CHSY1: variants seen among roughly 807,000 people sequenced by gnomAD.
The protein encoded by CHSY1 is N-acetylgalactosaminyl-proteoglycan 3-beta-glucuronosyltransferase 1.
Under a neutral mutation model 59.8 loss-of-function variants are expected in CHSY1, and 13 were observed. The ratio of observed to expected loss-of-function variants is 0.22; its 90% CI spans 0.14 to 0.35. CHSY1 has a LOEUF of 0.35. CHSY1 is among the 10% of genes least tolerant of loss of function. CHSY1 has a pLI of 1.00. For synonymous variants in CHSY1, 459 were observed against 401.2 expected (o/e 1.14, Z -1.72); for missense variants, 947 against 1,030.6 (o/e 0.92, Z 1.11).
intron 2 of CHSY1, among the ~76,000 whole-genome samples, chr15:101,181,683 GGTATTCT>G (rs1278270404): frequency 6.6e-6 from 1 of 152,156 alleles, no homozygotes; most frequent in Non-Finnish European, 1.5e-5. Flanking sequence ...GTAGCACAGA[GGTATTCT>G]TAGAACACAC....
At position 101,185,699 on chromosome 15, in the gene CHSY1, CTTTTT is replaced by C. The variant is rs10556870; in HGVS notation, c.817-6724_817-6720del. ...CCCTGCAATGTTCTCCTCGAAATAT[CTTTTT>C]TTTTTTTTTTTTTTTTTAACCTCAC... On this transcript the variant is annotated intron_variant, in intron 2 of 2. Coordinates refer to ENST00000254190, the MANE Select transcript of CHSY1 (RefSeq NM_014918.5). 8.1e-4 allele frequency among the ~76,000 whole-genome samples: 98 copies of C among 121,354 alleles called. 1 individual carries two copies. Among genetic ancestry groups the C allele is most frequent in the African/African-American group, 2.4e-3 (75 of 31,326 alleles). The allele number at this position is 121,354 out of a possible 152,430, so 79.6% of individuals were successfully genotyped here. A position where few individuals can be genotyped will look rare whatever the true frequency, so the allele number is the denominator to read the frequency against.
chr15:101,231,627 G>C (rs1246590588), intron 2 of CHSY1, among the ~76,000 whole-genome samples: 1 of 152,140 alleles, frequency 6.6e-6, no homozygotes. Flanking sequence ...GAAAATAATA[G>C]AAGAAAGATC....
In CHSY1 at chr15:101,200,238, A is replaced by G. The variant is rs142033419; in HGVS notation, c.817-21258T>C. On this transcript the variant is annotated intron_variant, in intron 2 of 2. Coordinates refer to ENST00000254190, the MANE Select transcript of CHSY1 (RefSeq NM_014918.5). ...GAATAACTTTTTTGATTTTCATTTT[A>G]AAGAGTATCCACGTAAAAAATAAGA... 6.5e-3 allele frequency among the ~76,000 whole-genome samples: 984 copies of G among 152,212 alleles called. 6 individuals carry two copies. Among genetic ancestry groups the G allele is most frequent in the African/African-American group, 0.023 (936 of 41,544 alleles).
chr15:101,240,707 T>C (rs1003696878), intron 1 of CHSY1, among the ~76,000 whole-genome samples: 16 of 152,334 alleles, frequency 1.1e-4, no homozygotes, highest in Middle Eastern at 3.4e-3. Context: ...ATGTCAGAGG[T>C]TGCGATTTTT....
chr15:101,231,716 T>C (rs1177069434), intron 2 of CHSY1, among the ~76,000 whole-genome samples: 2 of 152,260 alleles, frequency 1.3e-5, no homozygotes, highest in Non-Finnish European at 2.9e-5. Flanking sequence ...ATACGTACAG[T>C]ACACGTCGAA....
intron 2 of CHSY1, among the ~76,000 whole-genome samples, chr15:101,197,422 T>C (rs2038520339): frequency 6.6e-6 from 1 of 152,168 alleles, no homozygotes; most frequent in South Asian, 2.1e-4. Context: ...CTAAAAGCCA[T>C]ATAACACAAA....
intron 2 of CHSY1, among the ~76,000 whole-genome samples, chr15:101,234,512 A>T (rs2038920693): frequency 2.0e-5 from 3 of 152,256 alleles, no homozygotes; most frequent in Non-Finnish European, 1.5e-5. Flanking sequence ...CATGACCATC[A>T]GCAACCCATT....
At chr15:101,228,259 A>G (rs1596449672) in intron 2 of CHSY1, among the ~76,000 whole-genome samples, 1 of 152,294 alleles carries the variant, frequency 6.6e-6, no homozygotes, top group South Asian at 2.1e-4. Context: ...AGTAGAACAC[A>G]GCATGACGGG....
rs117450417 is a variant in CHSY1, at chr15:101,231,435, C to A, written c.816+3647G>T. 1.7e-3 allele frequency among the ~76,000 whole-genome samples: 255 copies of A among 152,234 alleles called. 4 individuals are homozygous for A. The East Asian group carries it at 0.044, about 26-fold the overall frequency. On this transcript the variant is annotated intron_variant, in intron 2 of 2. Transcript: ENST00000254190. Reference sequence around the variant, plus strand: ...TAATTCACAGCGGAAGCCCAGGGGCCGGAGGCAGAGGAAGGAAGACGTATT... The same window carrying A: ...TAATTCACAGCGGAAGCCCAGGGGCAGGAGGCAGAGGAAGGAAGACGTATT...
chr15:101,234,412 T>C (rs984467467), intron 2 of CHSY1, among the ~76,000 whole-genome samples: 3 of 152,154 alleles, frequency 2.0e-5, no homozygotes, highest in Non-Finnish European at 4.4e-5. Flanking sequence ...CAAAAACAAA[T>C]AGGGAGATAT....
intron 2 of CHSY1, among the ~76,000 whole-genome samples, chr15:101,231,652 G>A (rs71414392): frequency 0.016 from 2,406 of 152,254 alleles, 24 homozygotes; most frequent in Non-Finnish European, 0.026. Context: ...GGTTGCCTGC[G>A]TGCAGTCTGT....
chr15:101,234,374 T>C (rs891828966), intron 2 of CHSY1, among the ~76,000 whole-genome samples: 1 of 152,222 alleles, frequency 6.6e-6, no homozygotes, highest in South Asian at 2.1e-4. Flanking sequence ...TAGGTCATTA[T>C]GACCAGAAGA....
At chr15:101,239,772 T>C (rs965222092) in intron 1 of CHSY1, among the ~76,000 whole-genome samples, 1 of 152,134 alleles carries the variant, frequency 6.6e-6, no homozygotes, top group Non-Finnish European at 1.5e-5. Flanking sequence ...CTTCAGACAA[T>C]GTTACAGGAA....
chr15:101,202,067 C>A (rs377460851), intron 2 of CHSY1, among the ~76,000 whole-genome samples: 2 of 152,254 alleles, frequency 1.3e-5, no homozygotes, highest in East Asian at 1.9e-4. Flanking sequence ...AAGCTCTGGT[C>A]CTATCAAGCT....
chr15:101,221,253 G>C (rs2038785925), intron 2 of CHSY1, among the ~76,000 whole-genome samples: 1 of 152,190 alleles, frequency 6.6e-6, no homozygotes, highest in Admixed American at 6.5e-5. Context: ...CAGCACTCTG[G>C]AAGGCCGAGG....
intron 2 of CHSY1, among the ~76,000 whole-genome samples, chr15:101,214,712 G>A (rs1255451034): frequency 1.6e-5 from 1 of 62,606 alleles, no homozygotes; most frequent in East Asian, 5.6e-4. Flanking sequence ...TAGGTGGGAG[G>A]TGGCTGGATC....
intron 2 of CHSY1, among the ~76,000 whole-genome samples, chr15:101,233,902 A>C (rs1311048465): frequency 6.6e-6 from 1 of 152,248 alleles, no homozygotes; most frequent in Admixed American, 6.5e-5. Context: ...ACATTAGTTC[A>C]GAAAAAAGCT....
In CHSY1 at chr15:101,251,653, G is replaced by A. The variant is rs189611932; in HGVS notation, c.-197C>T. 7,360 of 146,342 alleles carry A rather than the reference G, an allele frequency of 0.05. 315 individuals carry two copies. The highest frequency in any genetic ancestry group is 0.2 in the East Asian group (1,023 of 5,022). 9.1% of individuals were successfully genotyped at this position (146,342 alleles called of 1,614,324 possible). A position where few individuals can be genotyped will look rare whatever the true frequency, so the allele number is the denominator to read the frequency against. On this transcript the variant is annotated 5_prime_UTR_variant, in exon 1 of 3. Transcript: ENST00000254190. Reference sequence around the variant, plus strand: ...CCCGCGCCGGCGCTTTGTTCCGCACGCCCGCCCCCGCCGCCGCGGCCTGCG... The same window carrying A: ...CCCGCGCCGGCGCTTTGTTCCGCACACCCGCCCCCGCCGCCGCGGCCTGCG...
intron 2 of CHSY1, among the ~76,000 whole-genome samples, chr15:101,203,972 T>A (rs1231085527): frequency 6.6e-6 from 1 of 152,194 alleles, no homozygotes; most frequent in Non-Finnish European, 1.5e-5. Context: ...ACTGACAGAA[T>A]ATGACTAAAC....
Sources: gnomAD v4.1 joint callset for allele counts (sites outside exome capture counted in the v4.1 genomes callset) on GRCh38, gnomAD v4.1.1 for gene constraint, MANE v1.5 for transcripts, NCBI Gene and HGNC (gene_info 2026-07-23, HGNC 2026-07-21) for gene names.